NAALADL2: variants seen among roughly 807,000 people sequenced by gnomAD.
The protein encoded by NAALADL2 is N-acetylated alpha-linked acidic dipeptidase like 2.
In NAALADL2, 76 loss-of-function variants were observed where a neutral mutation model predicts 87.2. The observed-to-expected ratio is 0.87, with a 90% CI of 0.72 to 1.05. The LOEUF (loss-of-function observed/expected upper bound fraction) is 1.05, where lower values mean the gene tolerates loss of function less well. Among genes scored for constraint, NAALADL2 ranks in the 50% least tolerant of loss-of-function variants. NAALADL2 has a pLI of 0.00. For missense variants in NAALADL2, 1,089 were observed against 945.8 expected (o/e 1.15, Z -1.99); for synonymous variants, 354 against 331.0 (o/e 1.07, Z -0.75).
At chr3:174,808,236 C>T (rs1355190330) in intron 3 of NAALADL2, among the ~76,000 whole-genome samples, 1 of 151,944 alleles carries the variant, frequency 6.6e-6, no homozygotes, top group Non-Finnish European at 1.5e-5. Context: ...AATATGAATT[C>T]CTTTTTCACA....
At chr3:175,329,174 A>C (rs1761109745) in intron 5 of NAALADL2, among the ~76,000 whole-genome samples, 1 of 152,212 alleles carries the variant, frequency 6.6e-6, no homozygotes, top group African/African-American at 2.4e-5. Context: ...TCAGAAATCC[A>C]TCCTGATTTA....
intron 2 of NAALADL2, among the ~76,000 whole-genome samples, chr3:174,570,660 A>G (rs934001072): frequency 6.6e-6 from 1 of 152,150 alleles, no homozygotes; most frequent in African/African-American, 2.4e-5. Context: ...TCACAACTTT[A>G]AGTAGGATCC....
chr3:174,704,569 A>G (rs1729879526), intron 2 of NAALADL2, among the ~76,000 whole-genome samples: 1 of 152,118 alleles, frequency 6.6e-6, no homozygotes, highest in African/African-American at 2.4e-5. Flanking sequence ...ACAAGTTTAG[A>G]AACATATATA....
At chr3:175,137,742 G>A (rs1196354640) in intron 2 of NAALADL2, among the ~76,000 whole-genome samples, 2 of 150,594 alleles carry the variant, frequency 1.3e-5, no homozygotes, top group East Asian at 4.0e-4. Flanking sequence ...TGGGATTACA[G>A]GCACCGCCAC....
At chr3:174,903,985 TTCTATATCTATATCTATA>T (rs745581514) in intron 1 of NAALADL2, among the ~76,000 whole-genome samples, 2 of 128,448 alleles carry the variant, frequency 1.6e-5, no homozygotes, top group African/African-American at 7.0e-5. Context: ...CTATATCTAT[TTCTATATCTATATCTATA>T]TCTATATCTG....
At position 175,441,471 on chromosome 3, in the gene NAALADL2, C is replaced by T. The variant is rs185573849; in HGVS notation, c.1091-5758C>T. Among the ~76,000 whole-genome samples, 117 of 152,216 alleles carry T rather than the reference C, an allele frequency of 7.7e-4. 1 individual carries two copies. Among genetic ancestry groups the T allele is most frequent in the African/African-American group, 2.3e-3 (95 of 41,550 alleles). ...CAAGGGATGACTACGTAATGATTTA[C>T]GCCAGTGCTGATCTAATGTGCATAC... On this transcript the variant is annotated intron_variant, in intron 5 of 13. Transcript: ENST00000454872.
chr3:175,576,967 A>C (rs1330537631), intron 10 of NAALADL2, among the ~76,000 whole-genome samples: 1 of 152,160 alleles, frequency 6.6e-6, no homozygotes, highest in Admixed American at 6.5e-5. Context: ...GGGGTGCTTA[A>C]ATTATGTTTG....
chr3:175,459,848 T>C (rs1040010959), intron 6 of NAALADL2, among the ~76,000 whole-genome samples: 5 of 152,288 alleles, frequency 3.3e-5, no homozygotes, highest in South Asian at 2.1e-4. Flanking sequence ...TCCTTTTTCA[T>C]AGTTTGTTCA....
intron 2 of NAALADL2, among the ~76,000 whole-genome samples, chr3:174,648,397 G>A (rs559564206): frequency 2.6e-5 from 4 of 151,328 alleles, no homozygotes; most frequent in Non-Finnish European, 5.9e-5. Flanking sequence ...AAACTTAGTA[G>A]ATATAGTGTT....
chr3:175,539,703 G>A lies in NAALADL2; in HGVS notation c.1654-36338G>A, dbSNP rs571409521. Among the ~76,000 whole-genome samples the A allele has an allele frequency of 8.5e-5, 13 of 152,090 alleles. No homozygotes were observed. The South Asian group carries it at 2.5e-3, about 29-fold the overall frequency. ...AGAATCATAATAGGGCTTTAAAATGGTAAATTGGGGCAGATTGTTCATAGT... is the reference window on the plus strand; with the variant it reads ...AGAATCATAATAGGGCTTTAAAATGATAAATTGGGGCAGATTGTTCATAGT... On this transcript the variant is annotated intron_variant, in intron 9 of 13. Transcript: ENST00000454872.
chr3:174,856,210 T>C (rs1725853767), upstream of NAALADL2, among the ~76,000 whole-genome samples: 1 of 152,064 alleles, frequency 6.6e-6, no homozygotes, highest in Admixed American at 6.6e-5. Context: ...TATGCTATGT[T>C]GACCAGGGTG....
intron 3 of NAALADL2, among the ~76,000 whole-genome samples, chr3:174,787,600 T>TATATATATATATATATATATACACAC (rs1553855412): frequency 2.9e-5 from 2 of 68,460 alleles, no homozygotes; most frequent in African/African-American, 4.4e-5. Flanking sequence ...TATATATATA[T>TATATATATATATATATATATACACAC]ATATATATAT....
intron 1 of NAALADL2, among the ~76,000 whole-genome samples, chr3:174,916,579 C>T (rs1734427999): frequency 6.6e-6 from 1 of 151,872 alleles, no homozygotes; most frequent in African/African-American, 2.4e-5. Flanking sequence ...TTGGATGGAG[C>T]TAGAGGCCAT....
intron 4 of NAALADL2, among the ~76,000 whole-genome samples, chr3:175,284,044 G>A (rs1754665473): frequency 6.6e-6 from 1 of 152,018 alleles, no homozygotes; most frequent in African/African-American, 2.4e-5. Context: ...AAAAACTCGT[G>A]TCTTTGCTGA....
intron 2 of NAALADL2, among the ~76,000 whole-genome samples, chr3:174,622,842 C>T (rs1257098540): frequency 6.6e-6 from 1 of 152,054 alleles, no homozygotes; most frequent in Non-Finnish European, 1.5e-5. Flanking sequence ...AGATGGAGAC[C>T]ATCCTGGCTA....
At chr3:174,460,926 T>G (rs766563646) in intron 1 of NAALADL2, among the ~76,000 whole-genome samples, 19 of 152,094 alleles carry the variant, frequency 1.2e-4, no homozygotes, top group Non-Finnish European at 1.9e-4. Context: ...ATTCCTGGAA[T>G]TTTTCCCTCC....
chr3:175,230,526 C>G (rs891001896), intron 2 of NAALADL2, among the ~76,000 whole-genome samples: 1 of 151,968 alleles, frequency 6.6e-6, no homozygotes. Context: ...AAGCTCCTCA[C>G]TGGTAATCAT....
At chr3:174,695,186 A>G (rs1298959496) in intron 2 of NAALADL2, among the ~76,000 whole-genome samples, 1 of 152,020 alleles carries the variant, frequency 6.6e-6, no homozygotes, top group Non-Finnish European at 1.5e-5. Flanking sequence ...TACATTCTTC[A>G]TTTGACATAA....
In NAALADL2 at chr3:175,810,215, A is replaced by G. The variant is rs1009008177; in HGVS notation, c.*7012A>G. 1 of 152,036 alleles carries G rather than the reference A, an allele frequency of 6.6e-6. No individual in the cohort carries two copies. Among genetic ancestry groups the G allele is most frequent in the African/African-American group, 2.4e-5 (1 of 41,420 alleles). The allele number at this position is 152,036 out of a possible 1,614,324, so 9.4% of individuals were successfully genotyped here. On this transcript the variant is annotated 3_prime_UTR_variant, in exon 14 of 14. Transcript: ENST00000454872. ...TATAATGTGTGGATGCCCATCAGAT[A>G]TTTAGTGCATTCTATATTTAGCCCA...
Sources: allele counts gnomAD v4.1 joint callset (sites outside exome capture counted in the v4.1 genomes callset), GRCh38; gene constraint gnomAD v4.1.1; transcripts MANE v1.5; gene names NCBI Gene and HGNC (gene_info 2026-07-23, HGNC 2026-07-21).